Variants in DPP10 observed in about 807,000 individuals in gnomAD.
The protein encoded by DPP10 is inactive dipeptidyl peptidase 10.
DPP10 carries 33 observed loss-of-function variants against 120.9 expected under a neutral mutation model. That is an observed-to-expected ratio of 0.27 (90% CI 0.21 to 0.37). The LOEUF is 0.37. Among genes scored for constraint, DPP10 ranks in the 10% least tolerant of loss-of-function variants. The pLI, the probability that DPP10 is intolerant of heterozygous loss-of-function variation, is 1.00. For synonymous variants in DPP10, 337 were observed against 326.1 expected (o/e 1.03, Z -0.36); for missense variants, 816 against 942.8 (o/e 0.87, Z 1.76).
At chr2:114,726,838 T>C (rs376404722) in intron 1 of DPP10, among the ~76,000 whole-genome samples, 22 of 152,318 alleles carry the variant, frequency 1.4e-4, no homozygotes, top group African/African-American at 5.3e-4. Context: ...AAAGTTGTGC[T>C]CAAAGATCAA....
intron 1 of DPP10, among the ~76,000 whole-genome samples, chr2:115,103,134 A>G (rs1012834048): frequency 2.0e-5 from 3 of 151,382 alleles, no homozygotes; most frequent in Admixed American, 6.6e-5. Context: ...CAGCTAAAAC[A>G]GGGGTTTTCA....
intron 1 of DPP10, among the ~76,000 whole-genome samples, chr2:114,755,951 TAAA>T (rs57668109): frequency 7.7e-6 from 1 of 129,738 alleles, no homozygotes; most frequent in African/African-American, 2.9e-5. Context: ...AGGAAGAAAT[TAAA>T]AAAAAAAAAA....
chr2:115,240,255 C>T (rs1559296405), intron 1 of DPP10, among the ~76,000 whole-genome samples: 1 of 152,184 alleles, frequency 6.6e-6, no homozygotes, highest in Non-Finnish European at 1.5e-5. Flanking sequence ...CACATCCTCT[C>T]CAGCATCTGT....
Position 115,844,495 on chromosome 2 carries a change from A to G in DPP10, c.*2150A>G, listed in dbSNP as rs1457279169. ...CACTAAAGAGACCTCAAGTGAAAGC[A>G]TATTGCTTAGTAGGAAGGTAGAAAA... On this transcript the variant is annotated 3_prime_UTR_variant, in exon 26 of 26. Coordinates refer to ENST00000410059, the MANE Select transcript of DPP10 (RefSeq NM_020868.6). The G allele has an allele frequency of 6.6e-6, 1 of 152,488 alleles. No homozygotes were observed. Among genetic ancestry groups the G allele is most frequent in the Non-Finnish European group, 1.5e-5 (1 of 68,018 alleles). 9.4% of individuals were successfully genotyped at this position (152,488 alleles called of 1,614,324 possible).
At chr2:114,521,858 A>G (rs1396352418) in intron 1 of DPP10, among the ~76,000 whole-genome samples, 1 of 132,932 alleles carries the variant, frequency 7.5e-6, no homozygotes, top group Non-Finnish European at 1.5e-5. Context: ...CCCAGGCTGG[A>G]GTGCAGTGGC....
intron 13 of DPP10, among the ~76,000 whole-genome samples, chr2:115,773,520 C>T (rs946060492): frequency 3.3e-5 from 5 of 152,014 alleles, no homozygotes; most frequent in African/African-American, 1.2e-4. Context: ...AATATTAGTT[C>T]AATTTAAAAT....
chr2:115,628,110 T>C (rs181222908), intron 5 of DPP10, among the ~76,000 whole-genome samples: 69 of 152,264 alleles, frequency 4.5e-4, no homozygotes, highest in Non-Finnish European at 8.8e-4. Context: ...TCTTCCACAG[T>C]GGTTGAACTG....
chr2:115,749,568 C>G (rs926521107), intron 10 of DPP10, among the ~76,000 whole-genome samples: 2 of 152,164 alleles, frequency 1.3e-5, no homozygotes, highest in African/African-American at 2.4e-5. Context: ...CAAGGAGTAT[C>G]TGTGCCTTCC....
At chr2:114,551,435 C>T (rs1018678617) in intron 1 of DPP10, among the ~76,000 whole-genome samples, 4 of 152,158 alleles carry the variant, frequency 2.6e-5, no homozygotes, top group African/African-American at 7.2e-5. Flanking sequence ...GAGAATGACA[C>T]GTGTTCTCCA....
chr2:115,276,852 T>C (rs2059941482), intron 1 of DPP10, among the ~76,000 whole-genome samples: 1 of 152,212 alleles, frequency 6.6e-6, no homozygotes, highest in Non-Finnish European at 1.5e-5. Flanking sequence ...ATTGCACTAA[T>C]AGGAAAATTT....
At chr2:115,736,021 T>C (rs187584340) in intron 8 of DPP10, among the ~76,000 whole-genome samples, 92 of 152,200 alleles carry the variant, frequency 6.0e-4, no homozygotes, top group African/African-American at 2.0e-3. Flanking sequence ...CTGTGTTTTG[T>C]CTTTTTTTGG....
intron 8 of DPP10, among the ~76,000 whole-genome samples, chr2:115,728,343 A>C (rs1293597377): frequency 6.6e-6 from 1 of 151,956 alleles, no homozygotes. Flanking sequence ...TATTTCCATT[A>C]GGGACATTCT....
intron 11 of DPP10, among the ~76,000 whole-genome samples, chr2:115,754,266 G>A (rs1284351806): frequency 1.3e-5 from 2 of 152,086 alleles, no homozygotes; most frequent in Non-Finnish European, 2.9e-5. Flanking sequence ...AGAGAAGTTG[G>A]AGCTTTATAG....
chr2:115,511,857 A>G (rs949287255), intron 4 of DPP10, among the ~76,000 whole-genome samples: 3 of 150,732 alleles, frequency 2.0e-5, no homozygotes, highest in Non-Finnish European at 3.0e-5. Flanking sequence ...CCTCCTGAGT[A>G]TCTGCACTAC....
intron 7 of DPP10, among the ~76,000 whole-genome samples, chr2:115,694,871 A>G (rs2149512858): frequency 6.6e-6 from 1 of 152,330 alleles, no homozygotes; most frequent in African/African-American, 2.4e-5. Flanking sequence ...GCATGCATTC[A>G]TCTTGCAGGA....
intron 1 of DPP10, among the ~76,000 whole-genome samples, chr2:114,858,840 G>T (rs1689574769): frequency 1.3e-5 from 2 of 152,148 alleles, no homozygotes; most frequent in Admixed American, 1.3e-4. Context: ...AGAGGAATTT[G>T]GAATCCTGCG....
chr2:115,354,918 T>C (rs564145808), intron 3 of DPP10, among the ~76,000 whole-genome samples: 81 of 152,312 alleles, frequency 5.3e-4, no homozygotes, highest in African/African-American at 1.9e-3. Context: ...CCGTGGTATA[T>C]ATGTACCACA....
chr2:115,438,170 A>G (rs2071675852), intron 3 of DPP10, among the ~76,000 whole-genome samples: 1 of 152,130 alleles, frequency 6.6e-6, no homozygotes, highest in Non-Finnish European at 1.5e-5. Context: ...ATGCAAATCA[A>G]AACCACAATG....
intron 1 of DPP10, among the ~76,000 whole-genome samples, chr2:114,967,074 A>G (rs1188049217): frequency 6.6e-6 from 1 of 152,080 alleles, no homozygotes; most frequent in Non-Finnish European, 1.5e-5. Context: ...AAAAAAAGAG[A>G]CAAGAGAGAA....
Sources: gnomAD v4.1 joint callset for allele counts (sites outside exome capture counted in the v4.1 genomes callset) on GRCh38, gnomAD v4.1.1 for gene constraint, MANE v1.5 for transcripts, NCBI Gene and HGNC (gene_info 2026-07-23, HGNC 2026-07-21) for gene names.